Variants in HMCN1 observed in about 807,000 individuals in gnomAD.
HMCN1 encodes hemicentin-1.
HMCN1 carries 321 observed loss-of-function variants against 625.9 expected under a neutral mutation model. The observed-to-expected ratio is 0.51, with a 90% CI of 0.47 to 0.56. The LOEUF (loss-of-function observed/expected upper bound fraction) is 0.56, where lower values mean the gene tolerates loss of function less well. HMCN1 is among the 20% of genes least tolerant of loss of function. The pLI is 0.00. For missense variants in HMCN1, 6,588 were observed against 6,887.3 expected, an observed-to-expected ratio of 0.96 and a Z score of 1.54; for synonymous variants, 2,425 against 2,417.6, an observed-to-expected ratio of 1.00 and a Z score of -0.09.
chr1:185,866,080 C>T (rs1663172943), intron 4 of HMCN1, among the ~76,000 whole-genome samples: 1 of 152,000 alleles, frequency 6.6e-6, no homozygotes, highest in African/African-American at 2.4e-5. Context: ...CAACAAACTG[C>T]TAAATTTAAT....
intron 82 of HMCN1, 151 bp downstream of exon 82, chr1:186,125,945 A>G (rs992747390): frequency 3.2e-6 from 2 of 617,750 alleles, no homozygotes; most frequent in Non-Finnish European, 5.6e-6. Context: ...CACGTATTTC[A>G]TGTCCCTTGA....
At chr1:186,036,005 C>A (rs1571754174) in intron 36 of HMCN1, among the ~76,000 whole-genome samples, 2 of 152,114 alleles carry the variant, frequency 1.3e-5, no homozygotes, top group East Asian at 1.9e-4. Flanking sequence ...TGCTTTTTAA[C>A]AATTTTTGCT....
At chr1:185,841,676 C>A (rs1232501480) in intron 1 of HMCN1, among the ~76,000 whole-genome samples, 1 of 152,138 alleles carries the variant, frequency 6.6e-6, no homozygotes, top group Non-Finnish European at 1.5e-5. Flanking sequence ...AGCAATCAGG[C>A]AATCATAGTA....
In HMCN1 at chr1:185,787,708, G is replaced by A. The variant is rs1571351887; in HGVS notation, c.268+52661G>A. Among the ~76,000 whole-genome samples the A allele has an allele frequency of 5.3e-5, 8 of 152,312 alleles. No homozygotes were observed. In the South Asian group the frequency reaches 1.7e-3, roughly 32 times the overall value. ...TTACCTGTGTATCTCAGGGTATAAAGAGCAAATGCTGGAAATGAGAGAAGG... is the reference window on the plus strand; with the variant it reads ...TTACCTGTGTATCTCAGGGTATAAAAAGCAAATGCTGGAAATGAGAGAAGG... On this transcript the variant is annotated intron_variant, in intron 1 of 106. Coordinates refer to ENST00000271588, the MANE Select transcript of HMCN1 (RefSeq NM_031935.3).
intron 1 of HMCN1, among the ~76,000 whole-genome samples, chr1:185,764,242 A>C (rs1328944371): frequency 1.3e-5 from 2 of 152,144 alleles, no homozygotes; most frequent in East Asian, 3.8e-4. Context: ...GGTGAAGGAG[A>C]AAAAAGATGT....
At chr1:185,961,737 T>C (rs1192988761) in intron 11 of HMCN1, among the ~76,000 whole-genome samples, 2 of 152,210 alleles carry the variant, frequency 1.3e-5, no homozygotes, top group African/African-American at 4.8e-5. Context: ...GATAAATTCC[T>C]GATTTAGTGT....
At position 186,126,635 on chromosome 1, in the gene HMCN1, A is replaced by T. The variant is rs1236153120; in HGVS notation, c.12690+841A>T. On this transcript the variant is annotated intron_variant, in intron 82 of 106. Transcript: ENST00000271588. ...ATTGGAGGAGCAGACCGGGGGAAAA[A>T]CAAAAATAGGTAGAGCAAAGAACTT... 6.6e-5 allele frequency among the ~76,000 whole-genome samples: 10 copies of T among 152,254 alleles called. 2 individuals are homozygous for T. In the South Asian group the frequency reaches 2.1e-3, roughly 32 times the overall value.
At chr1:185,955,256 C>T (rs1571614577) in intron 11 of HMCN1, among the ~76,000 whole-genome samples, 2 of 152,214 alleles carry the variant, frequency 1.3e-5, no homozygotes, top group East Asian at 3.9e-4. Context: ...TCATTGAAAA[C>T]CTTTTTGTGC....
rs375199163 is a variant in HMCN1 at position 186,151,750 on chromosome 1, G to A, written c.14896+7G>A. 3.1e-6 allele frequency: 5 copies of A among 1,612,952 alleles called. No homozygotes were observed. In the African/African-American group the frequency reaches 5.3e-5, roughly 17 times the overall value. On this transcript the variant is annotated splice_region_variant and intron_variant, in intron 95 of 106. Transcript: ENST00000271588. ...CAAGTGGAATTTGCAACTGGTTAGT[G>A]TCAGCTGAATTTAATATTCTATTAC...
Position 185,977,971 on chromosome 1 carries a change from CTTTA to C in HMCN1, c.2560_2563del (p.Ile854Ter). On this transcript the variant is annotated frameshift_variant, in exon 16 of 107. Coordinates refer to ENST00000271588, the MANE Select transcript of HMCN1 (RefSeq NM_031935.3). LOFTEE classifies it high-confidence loss of function. ...TCAGCCAACTAAGAACAGGAGCTCT[CTTTA>C]TTTTAAGTAGGTTGAAGGAAATATA... 6.2e-7 allele frequency: 1 copy of C among 1,610,216 alleles called. No individual in the cohort carries two copies. The highest frequency in any genetic ancestry group is 8.5e-7 in the Non-Finnish European group (1 of 1,176,854).
chr1:185,884,074 T>A (rs1664482104), intron 4 of HMCN1, among the ~76,000 whole-genome samples: 2 of 151,746 alleles, frequency 1.3e-5, no homozygotes, highest in African/African-American at 4.8e-5. Context: ...TCTTATAGAA[T>A]GAGTTTTAAA....
chr1:186,169,837 A>G (rs1329078750), intron 100 of HMCN1, among the ~76,000 whole-genome samples: 1 of 152,200 alleles, frequency 6.6e-6, no homozygotes, highest in Non-Finnish European at 1.5e-5. Context: ...AATGCGATCT[A>G]ATTAAACTAA....
chr1:185,737,632 A>G (rs780216636), intron 1 of HMCN1, among the ~76,000 whole-genome samples: 3 of 152,232 alleles, frequency 2.0e-5, no homozygotes, highest in Non-Finnish European at 4.4e-5. Flanking sequence ...ATAGTGCCTA[A>G]CACATATTCC....
At chr1:186,132,141 CTCTT>C (rs1020589341) in intron 85 of HMCN1, among the ~76,000 whole-genome samples, 183 bp from the exon 86 acceptor site, 1 of 152,042 alleles carries the variant, frequency 6.6e-6, no homozygotes, top group African/African-American at 2.4e-5. Flanking sequence ...CTTCCCCCTC[CTCTT>C]TCTCTTCCTC....
chr1:186,059,325 C>A (rs541854064), intron 46 of HMCN1, among the ~76,000 whole-genome samples: 1 of 152,104 alleles, frequency 6.6e-6, no homozygotes, highest in South Asian at 2.1e-4. Flanking sequence ...ATCTTTCTGG[C>A]TTTTTAAAAA....
intron 11 of HMCN1, among the ~76,000 whole-genome samples, chr1:185,935,775 A>AACAATAACAG (rs1313005562): frequency 6.6e-6 from 1 of 152,158 alleles, no homozygotes; most frequent in African/African-American, 2.4e-5. Context: ...ACTGCTTAGT[A>AACAATAACAG]ACAATAACAG....
At chr1:186,097,848 C>CAG (rs1412556359) in intron 68 of HMCN1, among the ~76,000 whole-genome samples, 3 of 152,078 alleles carry the variant, frequency 2.0e-5, no homozygotes, top group Non-Finnish European at 4.4e-5. Context: ...GGCATAAAAA[C>CAG]AGACACATAG....
intron 63 of HMCN1, among the ~76,000 whole-genome samples, chr1:186,090,206 A>G (rs1253815777): frequency 6.6e-6 from 1 of 151,996 alleles, no homozygotes; most frequent in East Asian, 1.9e-4. Flanking sequence ...AGTGGAAACC[A>G]AAGATGGCTA....
Position 186,095,261 on chromosome 1 carries a change from A to G in HMCN1, c.10313A>G (p.Asn3438Ser). 2 of 1,613,756 alleles carry G rather than the reference A, an allele frequency of 1.2e-6. No homozygotes were observed. Among genetic ancestry groups the G allele is most frequent in the South Asian group, 2.2e-5 (2 of 91,084 alleles). The change falls in exon 68 of 107, where the codon AAT (asparagine) becomes AGT (serine). Residue 3438 changes from asparagine (N) to serine (S), a missense_variant. Asn to Ser is a conservative substitution (Grantham distance 46, BLOSUM62 1). Transcript: ENST00000271588. Reference sequence around the variant, plus strand: ...TATGTAGCACCACCAAATATGGACAATTCAATGGGGACAGAGGAAATCACA... The same window carrying G: ...TATGTAGCACCACCAAATATGGACAGTTCAATGGGGACAGAGGAAATCACA... ...LQVFAPPNMD[N>S]SMGTEEITVL...
Sources: gnomAD v4.1 joint callset for allele counts (sites outside exome capture counted in the v4.1 genomes callset) on GRCh38, gnomAD v4.1.1 for gene constraint, MANE v1.5 for transcripts, NCBI Gene and HGNC (gene_info 2026-07-23, HGNC 2026-07-21) for gene names.